The following DAB1 variants were observed in gnomAD, a reference collection of about 807,000 sequenced individuals.
The protein encoded by DAB1 is DAB adaptor protein 1.
Under a neutral mutation model 64.6 loss-of-function variants are expected in DAB1, and 15 were observed. The ratio of observed to expected loss-of-function variants is 0.23; its 90% CI spans 0.16 to 0.36. The LOEUF is 0.36. Ranked by LOEUF, DAB1 falls within the 10% of genes least tolerant of loss-of-function variation. The pLI is 1.00. For synonymous variants in DAB1, 235 were observed against 251.9 expected (o/e 0.93, Z 0.64); for missense variants, 596 against 706.7 (o/e 0.84, Z 1.78).
intron 6 of DAB1, among the ~76,000 whole-genome samples, chr1:57,697,737 G>A (rs1646861812): frequency 6.6e-6 from 1 of 152,130 alleles, no homozygotes; most frequent in Admixed American, 6.6e-5. Context: ...GCTGAAGAGA[G>A]ATTACCTAGG....
At chr1:57,435,928 T>G (rs1443396326) in intron 7 of DAB1, among the ~76,000 whole-genome samples, 1 of 147,396 alleles carries the variant, frequency 6.8e-6, no homozygotes, top group East Asian at 1.9e-4. Context: ...TTTTTTTTTT[T>G]TTTTTTGAGA....
chr1:57,100,446 A>T (rs1654566287), intron 4 of DAB1, among the ~76,000 whole-genome samples: 9 of 152,188 alleles, frequency 5.9e-5, no homozygotes, highest in Admixed American at 5.9e-4. Context: ...GCACTGGTTA[A>T]TACCCAGTCT....
chr1:57,625,892 TAAAAC>T (rs947180805), intron 7 of DAB1, among the ~76,000 whole-genome samples: 7 of 152,028 alleles, frequency 4.6e-5, no homozygotes, highest in African/African-American at 1.2e-4. Flanking sequence ...GTTTCAAAAA[TAAAAC>T]AAAAAAGCTG....
intron 5 of DAB1, among the ~76,000 whole-genome samples, chr1:58,062,868 C>A (rs1427479840): frequency 6.6e-6 from 1 of 152,206 alleles, no homozygotes; most frequent in Admixed American, 6.5e-5. Flanking sequence ...AGAAAGCACA[C>A]AATGAGACAA....
At chr1:57,274,133 G>A (rs1295411271) in intron 2 of DAB1, among the ~76,000 whole-genome samples, 1 of 152,126 alleles carries the variant, frequency 6.6e-6, no homozygotes, top group Non-Finnish European at 1.5e-5. Flanking sequence ...AGAGAAAATG[G>A]ACTGATAAAA....
intron 3 of DAB1, among the ~76,000 whole-genome samples, chr1:58,487,669 T>G (rs1429726425): frequency 6.6e-6 from 1 of 152,216 alleles, no homozygotes; most frequent in East Asian, 1.9e-4. Flanking sequence ...GATTTATTTA[T>G]ACCTTACTTC....
At chr1:57,428,150 A>G (rs1685360465), upstream of DAB1, among the ~76,000 whole-genome samples, 1 of 152,140 alleles carries the variant, frequency 6.6e-6, no homozygotes, top group Non-Finnish European at 1.5e-5. Context: ...CCTGGGCAAC[A>G]AGAGTGAAAC....
At chr1:57,916,347 T>G (rs990244607) in intron 5 of DAB1, among the ~76,000 whole-genome samples, 5 of 152,180 alleles carry the variant, frequency 3.3e-5, no homozygotes, top group African/African-American at 1.2e-4. Context: ...TCCTATGACT[T>G]GAATCCATTC....
At chr1:58,073,936 T>G (rs1466996245) in intron 5 of DAB1, among the ~76,000 whole-genome samples, 2 of 152,196 alleles carry the variant, frequency 1.3e-5, no homozygotes, top group Non-Finnish European at 2.9e-5. Flanking sequence ...CTCAGCTATC[T>G]TAAGTCCTCA....
At chr1:57,053,660 C>CTATATATA (rs1553134276) in intron 9 of DAB1, among the ~76,000 whole-genome samples, 3,630 of 116,566 alleles carry the variant, frequency 0.031, 55 homozygotes, top group South Asian at 0.048. Context: ...CTCTCTCTCT[C>CTATATATA]TATATGTATA....
At chr1:57,387,821 CAAAAA>C (rs55950458) in intron 1 of DAB1, among the ~76,000 whole-genome samples, 2,169 of 104,282 alleles carry the variant, frequency 0.021, 35 homozygotes, top group Middle Eastern at 0.056. Flanking sequence ...GACTCAGCCT[CAAAAA>C]AAAAAAAAAA....
intron 9 of DAB1, among the ~76,000 whole-genome samples, chr1:57,045,823 G>T (rs542559909): frequency 5.1e-4 from 77 of 152,298 alleles, no homozygotes; most frequent in African/African-American, 1.8e-3. Context: ...TAACCTGCTG[G>T]AGAGAAACAT....
intron 5 of DAB1, among the ~76,000 whole-genome samples, chr1:58,039,920 T>G (rs1367804365): frequency 3.9e-5 from 6 of 152,124 alleles, no homozygotes; most frequent in Non-Finnish European, 4.4e-5. Context: ...ATCAATATTA[T>G]CCATTATTGT....
chr1:58,295,296 CATA>C (rs1661943007), intron 4 of DAB1, among the ~76,000 whole-genome samples: 1 of 152,262 alleles, frequency 6.6e-6, no homozygotes. Context: ...GTGCCTTTGT[CATA>C]ATTTCTCACA....
At chr1:57,421,905 G>GGGGGGGGGGGGGGGGC (rs1558356112) in intron 1 of DAB1, among the ~76,000 whole-genome samples, 1 of 100,432 alleles carries the variant, frequency 1.0e-5, no homozygotes, top group Non-Finnish European at 2.2e-5. Context: ...GGGGTGGCGG[G>GGGGGGGGGGGGGGGGC]GGGGGGGGTG....
intron 7 of DAB1, among the ~76,000 whole-genome samples, chr1:57,585,865 A>G (rs1645372757): frequency 6.6e-6 from 1 of 152,190 alleles, no homozygotes; most frequent in Non-Finnish European, 1.5e-5. Context: ...CTTATTTTAA[A>G]ATGAGAAGAA....
intron 11 of DAB1, among the ~76,000 whole-genome samples, chr1:57,017,684 C>G (rs1212945767): frequency 6.6e-6 from 1 of 152,176 alleles, no homozygotes; most frequent in Non-Finnish European, 1.5e-5. Context: ...TGTCAACAAA[C>G]AAAATGGAGA....
chr1:57,544,854 C>T (rs150917515), intron 7 of DAB1, among the ~76,000 whole-genome samples: 55 of 152,320 alleles, frequency 3.6e-4, no homozygotes, highest in African/African-American at 1.3e-3. Flanking sequence ...CCCTTTCCAC[C>T]CGTGATTGTA....
chr1:58,092,332 CA>C (rs34905465), intron 5 of DAB1, among the ~76,000 whole-genome samples: 52,415 of 128,156 alleles, frequency 0.41, 10,656 homozygotes, highest in East Asian at 0.85. Context: ...GACTCCGTCT[CA>C]AAAAAAAAAA....
Sources: allele counts gnomAD v4.1 joint callset (sites outside exome capture counted in the v4.1 genomes callset), GRCh38; gene constraint gnomAD v4.1.1; transcripts MANE v1.5; gene names NCBI Gene and HGNC (gene_info 2026-07-23, HGNC 2026-07-21).